The following MRPS30 variants were observed in gnomAD, a reference collection of about 807,000 sequenced individuals.
MRPS30 encodes the protein large ribosomal subunit protein mL65.
MRPS30 carries 42 observed loss-of-function variants against 43.8 expected under a neutral mutation model. That is an observed-to-expected ratio of 0.96 (90% CI 0.75 to 1.24). MRPS30 has a LOEUF of 1.24. Ranked by LOEUF, MRPS30 falls within the 50% of genes most tolerant of loss-of-function variation. MRPS30 has a pLI of 0.00. For missense variants in MRPS30, 638 were observed against 570.0 expected (o/e 1.12, Z -1.22); for synonymous variants, 273 against 228.2 (o/e 1.20, Z -1.77).
chr5:44,815,475 A>G lies in MRPS30; in HGVS notation c.*273A>G. ...TGAGCTATTAAATGCACATTTTAAT[A>G]TAAATGCAGAAATCCCAAATAAAAT... On this transcript the variant is annotated 3_prime_UTR_variant, in exon 5 of 5. Transcript: ENST00000507110. 3.8e-6 allele frequency: 1 copy of G among 265,504 alleles called. No individual in the cohort carries two copies. Among genetic ancestry groups the G allele is most frequent in the Non-Finnish European group, 7.1e-6 (1 of 139,980 alleles). The allele number at this position is 265,504 out of a possible 1,614,324, so 16.4% of individuals were successfully genotyped here.
In MRPS30 at chr5:44,815,364, C is replaced by A. The variant is rs551674196; in HGVS notation, c.*162C>A. 3.4e-6 allele frequency: 2 copies of A among 595,376 alleles called. No homozygotes were observed. The highest frequency in any genetic ancestry group is 3.7e-5 in the Admixed American group (1 of 26,910). The allele number at this position is 595,376 out of a possible 1,614,324, so 36.9% of individuals were successfully genotyped here. On this transcript the variant is annotated 3_prime_UTR_variant, in exon 5 of 5. Coordinates refer to ENST00000507110, the MANE Select transcript of MRPS30 (RefSeq NM_016640.4). ...TCTCTTACTCTGCTCAAATTCATCA[C>A]TGAAAGATTTAATTTTAGTTACCTT... is the stretch of plus-strand genomic sequence containing the variant.
At chr5:44,814,874 T>G in intron 4 of MRPS30, 39 bp from the exon 5 acceptor site, 1 of 1,542,470 alleles carries the variant, frequency 6.5e-7, no homozygotes, top group Middle Eastern at 1.7e-4. Flanking sequence ...GGGTAAGATA[T>G]ATTCTATGTG....
rs1236989819 is a variant in MRPS30 at position 44,813,474 on chromosome 5, AGTT to A, written c.1030+196_1030+198del. 4 of 454,398 alleles carry A rather than the reference AGTT, an allele frequency of 8.8e-6. No individual in the cohort carries two copies. In the Admixed American group the frequency reaches 1.3e-4, roughly 15 times the overall value. 28.1% of individuals were successfully genotyped at this position (454,398 alleles called of 1,614,324 possible). A position where few individuals can be genotyped will look rare whatever the true frequency, so the allele number is the denominator to read the frequency against. On this transcript the variant is annotated intron_variant, in intron 4 of 4. Transcript: ENST00000507110. ...TACATTTGAAATCTGACACTGAGGT[AGTT>A]GTTTTTGTCTTTTACTTTGACCATC...
intron 4 of MRPS30, among the ~76,000 whole-genome samples, chr5:44,813,898 G>A (rs1186279811): frequency 1.3e-5 from 2 of 151,976 alleles, no homozygotes; most frequent in East Asian, 1.9e-4. Context: ...TTTATAGGGG[G>A]GCAGGTATAA....
At chr5:44,809,951 A>G (rs1014729812) in intron 1 of MRPS30, 9 of 214,504 alleles carry the variant, frequency 4.2e-5, no homozygotes, top group Admixed American at 1.1e-4. Context: ...CATGTGTCAC[A>G]TGGCTGAGTA....
intron 3 of MRPS30, 60 bp from the exon 4 acceptor site, chr5:44,813,046 A>C: frequency 6.5e-7 from 1 of 1,538,316 alleles, no homozygotes. Flanking sequence ...ATACTAAAAC[A>C]TGTGCTCCAC....
In MRPS30 at chr5:44,812,031, C is replaced by T. The variant is rs572202049; in HGVS notation, c.853+11C>T. 2.1e-4 allele frequency: 320 copies of T among 1,538,144 alleles called. 1 individual carries two copies. The highest frequency in any genetic ancestry group is 1.7e-3 in the South Asian group (149 of 85,218). ...ACCACATATTTGTTGGTAAGTTTCT[C>T]TTTTGACATATTGTACCATAAATGT... is the stretch of plus-strand genomic sequence containing the variant. On this transcript the variant is annotated intron_variant, in intron 3 of 4. Transcript: ENST00000507110.
At chr5:44,812,993 G>A (rs1742866998) in intron 3 of MRPS30, 113 bp from the exon 4 acceptor site, 6 of 856,088 alleles carry the variant, frequency 7.0e-6, no homozygotes, top group Non-Finnish European at 1.1e-5. Context: ...TGTATTTAGA[G>A]TACTGAGAAT....
chr5:44,811,988 T>G lies in MRPS30; in HGVS notation c.821T>G (p.Phe274Cys). ...TGTAAACCAGACAAACTTCCATTAT[T>G]CAAACGGCAGTATGAAAACCACATA... ...IKCKPDKLPLFKRQYENHIFV... is the reference protein window; with the variant it reads ...IKCKPDKLPLCKRQYENHIFV... The change falls in exon 3 of 5, where the codon TTC becomes TGC. Residue 274 changes from phenylalanine to cysteine, a missense_variant. Physicochemically the swap from Phe to Cys is radical, Grantham distance 205 (BLOSUM62 -2). Transcript: ENST00000507110. The G allele has an allele frequency of 6.2e-7, 1 of 1,601,838 alleles. No homozygotes were observed. The highest frequency in any genetic ancestry group is 8.5e-7 in the Non-Finnish European group (1 of 1,172,316).
Position 44,813,174 on chromosome 5 carries a change from A to C in MRPS30, c.922A>C (p.Arg308=). Residue 308 remains arginine, a synonymous_variant, in exon 4 of 5, where the codon AGG becomes CGG. Coordinates refer to ENST00000507110, the MANE Select transcript of MRPS30 (RefSeq NM_016640.4). ...QFHLLPDKLR[R]ERLLRQNCAD... is the part of the protein sequence containing the mutation. ...TCATCTGTTACCTGACAAATTAAGAAGGGAAAGGCTTTTGAGACAAAACTG... is the reference window on the plus strand; with the variant it reads ...TCATCTGTTACCTGACAAATTAAGACGGGAAAGGCTTTTGAGACAAAACTG... 1 of 1,613,548 alleles carries C rather than the reference A, an allele frequency of 6.2e-7. No homozygotes were observed. The highest frequency in any genetic ancestry group is 2.2e-5 in the East Asian group (1 of 44,826).
rs142370131 is a variant in MRPS30 at position 44,812,440 on chromosome 5, T to G, written c.853+420T>G. Among the ~76,000 whole-genome samples the G allele has an allele frequency of 2.2e-3, 336 of 152,244 alleles. 2 individuals carry two copies. Among genetic ancestry groups the G allele is most frequent in the African/African-American group, 7.8e-3 (323 of 41,566 alleles). On this transcript the variant is annotated intron_variant, in intron 3 of 4. Transcript: ENST00000507110. Reference sequence around the variant, plus strand: ...TGATGTCTGCCCTCCCTCATGCAGCTTATTTTTTTGCAATTTTTTCTTCCT... The same window carrying G: ...TGATGTCTGCCCTCCCTCATGCAGCGTATTTTTTTGCAATTTTTTCTTCCT...
intron 4 of MRPS30, among the ~76,000 whole-genome samples, chr5:44,814,474 C>G (rs1554027445): frequency 6.6e-6 from 1 of 152,078 alleles, no homozygotes; most frequent in Non-Finnish European, 1.5e-5. Flanking sequence ...TAAAGTACTT[C>G]TTTTTACAAT....
In MRPS30 at chr5:44,815,311, A is replaced by T; in HGVS notation, c.*109A>T. 1 of 994,618 alleles carries T rather than the reference A, an allele frequency of 1.0e-6. No homozygotes were observed. Among genetic ancestry groups the T allele is most frequent in the East Asian group, 2.5e-5 (1 of 39,564 alleles). 61.6% of individuals were successfully genotyped at this position (994,618 alleles called of 1,614,324 possible). ...TTAAATACATTGATTTTTGAGACAAATATTTCTTATGTCAACCTGTTATTA... is the reference window on the plus strand; with the variant it reads ...TTAAATACATTGATTTTTGAGACAATTATTTCTTATGTCAACCTGTTATTA... On this transcript the variant is annotated 3_prime_UTR_variant, in exon 5 of 5. Transcript: ENST00000507110.
chr5:44,809,145 G>C lies in MRPS30; in HGVS notation c.183G>C (p.Arg61=), dbSNP rs139909496. Reference sequence around the variant, plus strand: ...CCGACAGCAAAGCTGCACGGCTGCGGCGGATCGAGCGCTGGCAGGCGACGG... The same window carrying C: ...CCGACAGCAAAGCTGCACGGCTGCGCCGGATCGAGCGCTGGCAGGCGACGG... The part of the protein sequence containing the change: ...MTADSKAARL[R]RIERWQATVH... Residue 61 remains arginine, a synonymous_variant, in exon 1 of 5, where the codon CGG becomes CGC. Coordinates refer to ENST00000507110, the MANE Select transcript of MRPS30 (RefSeq NM_016640.4). 6.2e-7 allele frequency: 1 copy of C among 1,611,866 alleles called. No homozygotes were observed. The highest frequency in any genetic ancestry group is 1.3e-5 in the African/African-American group (1 of 75,056).
chr5:44,809,755 T>C (rs1742798779), intron 1 of MRPS30, 192 bp downstream of exon 1: 1 of 615,818 alleles, frequency 1.6e-6, no homozygotes, highest in Middle Eastern at 4.4e-4. Context: ...TAGGTGTGTG[T>C]GGCTGCGCTA....
At chr5:44,811,572 T>C (rs1248127589) in intron 2 of MRPS30, among the ~76,000 whole-genome samples, 1 of 152,246 alleles carries the variant, frequency 6.6e-6, no homozygotes, top group Non-Finnish European at 1.5e-5. Flanking sequence ...GAGTATTGTC[T>C]ATGCTTTCAT....
chr5:44,810,078 A>C (rs1311652549), intron 1 of MRPS30: 1 of 153,222 alleles, frequency 6.5e-6, no homozygotes, highest in African/African-American at 2.4e-5. Context: ...AATTGTGAAG[A>C]TTAAATGAAG....
rs1204625636 is a variant in MRPS30, at chr5:44,815,044, C to T, written c.1162C>T (p.Pro388Ser). The T allele has an allele frequency of 1.2e-6, 2 of 1,613,764 alleles. No individual in the cohort carries two copies. The part of the protein sequence containing the change: ...ALTTQADQNN[P>S]RKNICWGTQS... The stretch of plus-strand genomic sequence containing the variant: ...GACTACACAAGCTGATCAAAATAAC[C>T]CTCGTAAAAATATATGTTGGGGTAC... The change falls in exon 5 of 5, where the codon CCT (proline) becomes TCT (serine). Residue 388 changes from proline (P) to serine (S), a missense_variant. By Grantham distance (74) the Pro-to-Ser change is moderately conservative. Transcript: ENST00000507110.
In MRPS30 at chr5:44,813,210, A is replaced by ATC; in HGVS notation, c.959_960insCT (p.Glu321Ter). 6.2e-7 allele frequency: 1 copy of ATC among 1,612,902 alleles called. No homozygotes were observed. The highest frequency in any genetic ancestry group is 8.5e-7 in the Non-Finnish European group (1 of 1,179,504). ...TTTGAGACAAAACTGTGCTGATCAG[A>ATC]TAGAAGTTGTTTTTAGAGCTAATGC... On this transcript the variant is annotated frameshift_variant, in exon 4 of 5. Transcript: ENST00000507110. LOFTEE classifies it high-confidence loss of function.
Sources: gnomAD v4.1 joint callset for allele counts (sites outside exome capture counted in the v4.1 genomes callset) on GRCh38, gnomAD v4.1.1 for gene constraint, MANE v1.5 for transcripts, NCBI Gene and HGNC (gene_info 2026-07-23, HGNC 2026-07-21) for gene names.